VPS13B: variants seen among roughly 807,000 people sequenced by gnomAD.
VPS13B encodes the protein intermembrane lipid transfer protein VPS13B.
Under a neutral mutation model 426.4 loss-of-function variants are expected in VPS13B, and 285 were observed. The ratio of observed to expected loss-of-function variants is 0.67; its 90% CI spans 0.61 to 0.74. The LOEUF is 0.74. Ranked by LOEUF, VPS13B falls within the 30% of genes least tolerant of loss-of-function variation. VPS13B has a pLI of 0.00. For synonymous variants in VPS13B, 1,676 were observed against 1,676.4 expected (o/e 1.00, Z 0.01); for missense variants, 4,537 against 4,782.6 (o/e 0.95, Z 1.51).
Position 99,875,522 on chromosome 8 carries a change from A to G in VPS13B, c.11850A>G (p.Gln3950=), listed in dbSNP as rs1817658745. The change falls in exon 62 of 62, where the codon CAA becomes CAG. Residue 3950 remains glutamine (Q), a synonymous_variant. Transcript: ENST00000357162. ...CHLAPSCSSM[Q]IPCPVVAAEP... The stretch of plus-strand genomic sequence containing the variant: ...TGGCCCCCAGCTGTTCTTCCATGCA[A>G]ATACCATGCCCTGTGGTGGCTGCAG... 1 of 1,613,986 alleles carries G rather than the reference A, an allele frequency of 6.2e-7. No homozygotes were observed. Among genetic ancestry groups the G allele is most frequent in the South Asian group, 1.1e-5 (1 of 91,086 alleles).
intron 35 of VPS13B, among the ~76,000 whole-genome samples, chr8:99,672,523 G>T (rs1830758155): frequency 6.6e-6 from 1 of 152,038 alleles, no homozygotes; most frequent in South Asian, 2.1e-4. Context: ...AATTCTAACA[G>T]TTTTCTGGTC....
chr8:99,493,489 A>G (rs1820724805), intron 25 of VPS13B, among the ~76,000 whole-genome samples: 1 of 152,170 alleles, frequency 6.6e-6, no homozygotes, highest in Non-Finnish European at 1.5e-5. Flanking sequence ...AATTATTTGA[A>G]GAGAGAGAGA....
intron 19 of VPS13B, among the ~76,000 whole-genome samples, chr8:99,275,508 T>C (rs1281318522): frequency 1.3e-5 from 2 of 152,072 alleles, no homozygotes; most frequent in African/African-American, 4.8e-5. Context: ...TTCAGATTCG[T>C]ATATATAAGG....
intron 2 of VPS13B, among the ~76,000 whole-genome samples, chr8:99,031,385 A>G (rs1455571530): frequency 6.6e-6 from 1 of 151,904 alleles, no homozygotes; most frequent in Non-Finnish European, 1.5e-5. Context: ...CTTTTCAGGT[A>G]TTTTATAGGT....
intron 21 of VPS13B, among the ~76,000 whole-genome samples, chr8:99,428,615 A>G (rs1404989576): frequency 6.6e-6 from 1 of 152,216 alleles, no homozygotes; most frequent in Non-Finnish European, 1.5e-5. Flanking sequence ...AATGGTGATC[A>G]TTAAAAAGTC....
chr8:99,302,347 A>G (rs1423422647), intron 19 of VPS13B, among the ~76,000 whole-genome samples: 2 of 152,232 alleles, frequency 1.3e-5, no homozygotes, highest in Non-Finnish European at 2.9e-5. Context: ...TAAGTTGACA[A>G]TGCATTTAAT....
intron 17 of VPS13B, among the ~76,000 whole-genome samples, chr8:99,265,834 G>A (rs1818264720): frequency 6.6e-6 from 1 of 152,058 alleles, no homozygotes; most frequent in Non-Finnish European, 1.5e-5. Context: ...GTTCTACTAA[G>A]GCTACTCATT....
intron 17 of VPS13B, among the ~76,000 whole-genome samples, chr8:99,220,364 G>T (rs1815642042): frequency 6.6e-6 from 1 of 152,106 alleles, no homozygotes; most frequent in South Asian, 2.1e-4. Flanking sequence ...ATTACTGATG[G>T]TTTGGCATGT....
intron 54 of VPS13B, among the ~76,000 whole-genome samples, chr8:99,839,841 TTTC>T (rs1442014359): frequency 6.6e-6 from 1 of 152,180 alleles, no homozygotes; most frequent in Non-Finnish European, 1.5e-5. Flanking sequence ...TATGAGAAAT[TTTC>T]TTCTTGTATC....
chr8:99,351,039 G>A (rs1017805287), intron 19 of VPS13B, among the ~76,000 whole-genome samples: 4 of 152,002 alleles, frequency 2.6e-5, no homozygotes, highest in Non-Finnish European at 5.9e-5. Context: ...CAAAAAATAA[G>A]AAGTGCAGAT....
In VPS13B at chr8:99,449,024, T is replaced by C. The variant is rs1001926390; in HGVS notation, c.3445+6389T>C. Among the ~76,000 whole-genome samples the C allele has an allele frequency of 1.4e-4, 21 of 152,218 alleles. 1 individual carries two copies. The highest frequency in any genetic ancestry group is 1.2e-3 in the Admixed American group (19 of 15,280). On this transcript the variant is annotated intron_variant, in intron 23 of 61. Coordinates refer to ENST00000357162, the MANE Select transcript of VPS13B (RefSeq NM_152564.5). Reference sequence around the variant, plus strand: ...TTTCTTAGTAAGTATAGAGGATGGATTGGGGGTAATTGGATAAAGTAGGAA... The same window carrying C: ...TTTCTTAGTAAGTATAGAGGATGGACTGGGGGTAATTGGATAAAGTAGGAA...
chr8:99,782,865 CTTG>C (rs1037051719), intron 42 of VPS13B, among the ~76,000 whole-genome samples: 3 of 152,170 alleles, frequency 2.0e-5, no homozygotes, highest in African/African-American at 7.2e-5. Context: ...ATGACAGATG[CTTG>C]TTGTTATGAG....
intron 19 of VPS13B, among the ~76,000 whole-genome samples, chr8:99,278,117 A>T (rs1818988878): frequency 6.6e-6 from 1 of 152,124 alleles, no homozygotes; most frequent in Non-Finnish European, 1.5e-5. Flanking sequence ...CCATGGTCTT[A>T]TAGAATTTGA....
At chr8:99,045,961 G>A (rs1843223986) in intron 3 of VPS13B, among the ~76,000 whole-genome samples, 1 of 152,058 alleles carries the variant, frequency 6.6e-6, no homozygotes, top group South Asian at 2.1e-4. Flanking sequence ...TTATCATATT[G>A]CTTGAAATCA....
At chr8:99,176,903 G>T (rs1439187241) in intron 16 of VPS13B, among the ~76,000 whole-genome samples, 1 of 152,122 alleles carries the variant, frequency 6.6e-6, no homozygotes, top group Non-Finnish European at 1.5e-5. Flanking sequence ...TTTAGAAAGA[G>T]GTTTGGCTTA....
At chr8:99,040,881 G>A (rs1842937882) in intron 3 of VPS13B, among the ~76,000 whole-genome samples, 1 of 152,098 alleles carries the variant, frequency 6.6e-6, no homozygotes. Flanking sequence ...ATAAGATTTT[G>A]TTAAATGCCT....
rs374746420 is a variant in VPS13B, at chr8:99,206,193, AT to A, written c.2515+13140del. Among the ~76,000 whole-genome samples, 929 of 152,258 alleles carry A rather than the reference AT, an allele frequency of 6.1e-3. 13 individuals carry two copies. The highest frequency in any genetic ancestry group is 0.021 in the African/African-American group (884 of 41,552). On this transcript the variant is annotated intron_variant, in intron 17 of 61. Transcript: ENST00000357162. ...ACTTTTCCTTGTTCAGAAGTTCATT[AT>A]TTTGTTGACAGTGTAGTTTCATTAA...
At chr8:99,626,543 ACT>A (rs910085884) in intron 33 of VPS13B, among the ~76,000 whole-genome samples, 1 of 152,170 alleles carries the variant, frequency 6.6e-6, no homozygotes. Context: ...TGGTTGTATA[ACT>A]CTAAATATAC....
chr8:99,806,502 T>G (rs1813409567), intron 43 of VPS13B, among the ~76,000 whole-genome samples: 1 of 152,222 alleles, frequency 6.6e-6, no homozygotes, highest in South Asian at 2.1e-4. Context: ...TGTTAGTTAT[T>G]TGTTCTTGCC....
Sources: gnomAD v4.1 joint callset for allele counts (sites outside exome capture counted in the v4.1 genomes callset) on GRCh38, gnomAD v4.1.1 for gene constraint, MANE v1.5 for transcripts, NCBI Gene and HGNC (gene_info 2026-07-23, HGNC 2026-07-21) for gene names.